The following ACTR6 variants were observed in gnomAD, a reference collection of about 807,000 sequenced individuals.
ACTR6 encodes the protein actin-related protein 6.
ACTR6 carries 50 observed loss-of-function variants against 52.5 expected under a neutral mutation model. That is an observed-to-expected ratio of 0.95 (90% CI 0.76 to 1.20). The LOEUF (loss-of-function observed/expected upper bound fraction) is 1.20, where lower values mean the gene tolerates loss of function less well. Ranked by LOEUF, ACTR6 falls within the 50% of genes most tolerant of loss-of-function variation. ACTR6 has a pLI of 0.00. For synonymous variants in ACTR6, 135 were observed against 147.2 expected (o/e 0.92, Z 0.60); for missense variants, 344 against 472.4 (o/e 0.73, Z 2.52).
intron 1 of ACTR6, among the ~76,000 whole-genome samples, chr12:100,202,382 C>CT (rs1417402413): frequency 1.3e-5 from 2 of 152,098 alleles, no homozygotes; most frequent in African/African-American, 4.8e-5. Flanking sequence ...CAACCTGAGA[C>CT]TGATAACAAA....
At chr12:100,216,826 TTGGGTTAAAAGTGATTTATAGTTTTC>T (rs540173504) in intron 8 of ACTR6, among the ~76,000 whole-genome samples, 3 of 151,860 alleles carry the variant, frequency 2.0e-5, no homozygotes, top group Non-Finnish European at 4.4e-5. Flanking sequence ...TAACAATATT[TTGGGTTAAAAGTGATTTATAGTTTTC>T]TGGGTTAAAA....
At position 100,218,613 on chromosome 12, in the gene ACTR6, G is replaced by GA; in HGVS notation, c.922+29dup. 2 of 1,359,038 alleles carry GA rather than the reference G, an allele frequency of 1.5e-6. No homozygotes were observed. Among genetic ancestry groups the GA allele is most frequent in the Non-Finnish European group, 9.7e-7 (1 of 1,033,160 alleles). 84.2% of individuals were successfully genotyped at this position (1,359,038 alleles called of 1,614,324 possible). A position where few individuals can be genotyped will look rare whatever the true frequency, so the allele number is the denominator to read the frequency against. ...TACATAAATAGAGTAAAATACTAAAGAATTATAATTGTTTTAAAAACATCA... is the reference window on the plus strand; with the variant it reads ...TACATAAATAGAGTAAAATACTAAAGAAATTATAATTGTTTTAAAAACATCA... On this transcript the variant is annotated intron_variant, in intron 9 of 10. Transcript: ENST00000188312. The surrounding 1 kb of genome is among the most constrained non-coding windows in gnomAD (Gnocchi z 4.2).
At chr12:100,205,524 A>T (rs2096113768) in intron 2 of ACTR6, 152 bp from the exon 3 acceptor site, 2 of 448,762 alleles carry the variant, frequency 4.5e-6, no homozygotes, top group South Asian at 1.5e-4. Context: ...AAAAAAAAGA[A>T]ATTCATACAG....
chr12:100,220,170 C>T lies in ACTR6; in HGVS notation c.1061+24C>T, dbSNP rs774753372. 3.8e-5 allele frequency: 61 copies of T among 1,598,638 alleles called. 1 individual carries two copies. Among genetic ancestry groups the T allele is most frequent in the South Asian group, 1.5e-4 (13 of 88,872 alleles). ...AAGTAAGTGTTGTTTTATATAGAAACGAAACATGGAAGTCCACATGTAGAA... is the reference window on the plus strand; with the variant it reads ...AAGTAAGTGTTGTTTTATATAGAAATGAAACATGGAAGTCCACATGTAGAA... On this transcript the variant is annotated intron_variant, in intron 10 of 10. Transcript: ENST00000188312.
chr12:100,220,112 A>G lies in ACTR6; in HGVS notation c.1027A>G (p.Thr343Ala). The G allele has an allele frequency of 6.2e-7, 1 of 1,613,890 alleles. No homozygotes were observed. Among genetic ancestry groups the G allele is most frequent in the Non-Finnish European group, 8.5e-7 (1 of 1,179,876 alleles). Reference sequence around the variant, plus strand: ...CTCAGAAGTTCGATGTCTTACTCCAACAGATTATGATGTTTCTGTTGTGCT... The same window carrying G: ...CTCAGAAGTTCGATGTCTTACTCCAGCAGATTATGATGTTTCTGTTGTGCT... Reference protein sequence around the residue: ...VYSEVRCLTPTDYDVSVVLPE... With the variant: ...VYSEVRCLTPADYDVSVVLPE... Residue 343 changes from threonine to alanine, a missense_variant, in exon 10 of 11, where the codon ACA becomes GCA. Thr to Ala is a moderately conservative substitution (Grantham distance 58, BLOSUM62 0). Transcript: ENST00000188312.
chr12:100,209,973 G>T, intron 4 of ACTR6, 100 bp from the exon 5 acceptor site: 1 of 982,976 alleles, frequency 1.0e-6, no homozygotes, highest in Non-Finnish European at 1.5e-6. Flanking sequence ...TGTAATAAAG[G>T]GAACATTTTT....
chr12:100,216,444 G>T (rs963215363), intron 8 of ACTR6, among the ~76,000 whole-genome samples: 1 of 152,240 alleles, frequency 6.6e-6, no homozygotes, highest in Non-Finnish European at 1.5e-5. Context: ...GGTTATAGGC[G>T]TGAGCCAGTG....
intron 8 of ACTR6, 54 bp downstream of exon 8, chr12:100,212,582 C>T (rs1452021332): frequency 8.7e-6 from 12 of 1,380,038 alleles, no homozygotes; most frequent in Non-Finnish European, 1.1e-5. Context: ...TCTATAATCC[C>T]AGCACTTGGG....
intron 1 of ACTR6, among the ~76,000 whole-genome samples, chr12:100,201,505 C>G (rs1475440948): frequency 1.3e-5 from 2 of 152,196 alleles, no homozygotes; most frequent in East Asian, 1.9e-4. Flanking sequence ...TTTCCTTTAT[C>G]AAATTAACAG....
chr12:100,219,114 T>C (rs1340100725), intron 9 of ACTR6, among the ~76,000 whole-genome samples: 1 of 142,148 alleles, frequency 7.0e-6, no homozygotes, highest in East Asian at 2.0e-4. Context: ...TTGCAAGAAG[T>C]AGGCATTGGA....
intron 1 of ACTR6, among the ~76,000 whole-genome samples, chr12:100,203,045 A>G (rs987022707): frequency 6.6e-6 from 1 of 152,168 alleles, no homozygotes; most frequent in Non-Finnish European, 1.5e-5. Flanking sequence ...TGCACAAACT[A>G]TATCCCTTGC....
At chr12:100,207,872 G>T in intron 4 of ACTR6, 86 bp downstream of exon 4, 2 of 1,459,538 alleles carry the variant, frequency 1.4e-6, no homozygotes, top group Non-Finnish European at 9.4e-7. Context: ...ATATTAAGTG[G>T]CATTCTTGGC....
chr12:100,202,144 G>A (rs1270882860), intron 1 of ACTR6, among the ~76,000 whole-genome samples: 1 of 152,126 alleles, frequency 6.6e-6, no homozygotes, highest in East Asian at 1.9e-4. Context: ...TTTTGGCCAT[G>A]CTGGTCTGGA....
intron 3 of ACTR6, among the ~76,000 whole-genome samples, chr12:100,206,716 T>C (rs2096115047): frequency 6.6e-6 from 1 of 151,310 alleles, no homozygotes; most frequent in Non-Finnish European, 1.5e-5. Flanking sequence ...TTGCCCAGGC[T>C]GCAGTGCAGT....
rs570856471 is a variant in ACTR6, at chr12:100,202,341, G to T, written c.68+1422G>T. 4.5e-4 allele frequency among the ~76,000 whole-genome samples: 69 copies of T among 152,176 alleles called. 1 individual carries two copies. Among genetic ancestry groups the T allele is most frequent in the African/African-American group, 1.5e-3 (61 of 41,492 alleles). On this transcript the variant is annotated intron_variant, in intron 1 of 10. Coordinates refer to ENST00000188312, the MANE Select transcript of ACTR6 (RefSeq NM_022496.5). ...AATGGGAAGGAAGCTAAATAATCAGGAATAGCATATTGGCTAAATACACCA... is the reference window on the plus strand; with the variant it reads ...AATGGGAAGGAAGCTAAATAATCAGTAATAGCATATTGGCTAAATACACCA...
At chr12:100,212,429 A>G (rs1490160835) in intron 7 of ACTR6, 21 bp from the exon 8 acceptor site, 1 of 1,607,864 alleles carries the variant, frequency 6.2e-7, no homozygotes, top group African/African-American at 1.3e-5. Context: ...ATGTTTCATA[A>G]ATCTCAATTT....
intron 8 of ACTR6, among the ~76,000 whole-genome samples, chr12:100,213,744 G>A (rs2153900558): frequency 6.6e-6 from 1 of 152,256 alleles, no homozygotes; most frequent in East Asian, 1.9e-4. Context: ...AGTTTATCAT[G>A]GATGTCAAAA....
chr12:100,224,054 T>C lies in ACTR6; in HGVS notation c.*139T>C. ...AAATACTTTGATCGATTGCTAATTTTCAAAGGCTTCTTAGGTAGGTTACTA... is the reference window on the plus strand; with the variant it reads ...AAATACTTTGATCGATTGCTAATTTCCAAAGGCTTCTTAGGTAGGTTACTA... On this transcript the variant is annotated 3_prime_UTR_variant, in exon 11 of 11. Coordinates refer to ENST00000188312, the MANE Select transcript of ACTR6 (RefSeq NM_022496.5). 2 of 963,396 alleles carry C rather than the reference T, an allele frequency of 2.1e-6. No homozygotes were observed. The highest frequency in any genetic ancestry group is 2.9e-6 in the Non-Finnish European group (2 of 685,152). 59.7% of individuals were successfully genotyped at this position (963,396 alleles called of 1,614,324 possible).
chr12:100,201,030 T>G, intron 1 of ACTR6, 111 bp downstream of exon 1: 1 of 1,578,894 alleles, frequency 6.3e-7, no homozygotes, highest in Non-Finnish European at 8.6e-7. Context: ...CGGCCCTGAC[T>G]TAGCCAGAGG....
Sources: allele counts gnomAD v4.1 joint callset (sites outside exome capture counted in the v4.1 genomes callset), GRCh38; gene constraint gnomAD v4.1.1; non-coding constraint Gnocchi (gnomAD v3.1); transcripts MANE v1.5; gene names NCBI Gene and HGNC (gene_info 2026-07-23, HGNC 2026-07-21).